CMIP: variants seen among roughly 807,000 people sequenced by gnomAD.
CMIP encodes C-Maf-inducing protein.
In CMIP, 13 loss-of-function variants were observed where a neutral mutation model predicts 97.3. That is an observed-to-expected ratio of 0.13 (90% CI 0.09 to 0.21). CMIP has a LOEUF of 0.21. Ranked by LOEUF, CMIP falls within the 10% of genes least tolerant of loss-of-function variation. The probability of loss-of-function intolerance (pLI) is 1.00; values close to 1 mark genes in which losing one functional copy is unlikely to be tolerated. For missense variants in CMIP, 847 were observed against 1,024.9 expected (o/e 0.83, Z 2.37); for synonymous variants, 538 against 436.3 (o/e 1.23, Z -2.91).
Position 81,652,165 on chromosome 16 carries a change from G to C in CMIP, c.478-38G>C. The C allele has an allele frequency of 1.5e-5, 23 of 1,548,456 alleles. No individual in the cohort carries two copies. The highest frequency in any genetic ancestry group is 2.0e-5 in the Non-Finnish European group (22 of 1,122,270). ...CTTCCATCTTCTGCCTTCCTTACGT[G>C]AGTAACATGTTGCTGTCTCTTTATC... is the stretch of plus-strand genomic sequence containing the variant. On this transcript the variant is annotated intron_variant, in intron 3 of 20. Transcript: ENST00000537098. This position sits in a 1 kb window ranked among gnomAD's most constrained non-coding sequence, Gnocchi z 5.2.
Position 81,616,612 on chromosome 16 carries a change from C to T in CMIP, c.427-4264C>T, listed in dbSNP as rs915326412. 6.6e-6 allele frequency among the ~76,000 whole-genome samples: 1 copy of T among 152,194 alleles called. No homozygotes were observed. Among genetic ancestry groups the T allele is most frequent in the Non-Finnish European group, 1.5e-5 (1 of 68,034 alleles). Reference sequence around the variant, plus strand: ...ACCTGCCTTCTTGAACCGAAACCTGCCTTCTTCCTGGACTGCCACACCGAC... The same window carrying T: ...ACCTGCCTTCTTGAACCGAAACCTGTCTTCTTCCTGGACTGCCACACCGAC... On this transcript the variant is annotated intron_variant, in intron 2 of 20. Coordinates refer to ENST00000537098, the MANE Select transcript of CMIP (RefSeq NM_198390.3). The surrounding 1 kb of genome is among the most constrained non-coding windows in gnomAD (Gnocchi z 4.7).
Position 81,710,143 on chromosome 16 carries a change from G to C in CMIP, c.*344G>C. On this transcript the variant is annotated 3_prime_UTR_variant, in exon 21 of 21. Coordinates refer to ENST00000537098, the MANE Select transcript of CMIP (RefSeq NM_198390.3). ...CTTTGCCTTTGTGTTTGATGCCGTC[G>C]TGTGGGAAAAGTCAACTCCGATGCC... 3.1e-6 allele frequency: 1 copy of C among 321,068 alleles called. No homozygotes were observed. The highest frequency in any genetic ancestry group is 5.9e-6 in the Non-Finnish European group (1 of 169,968). 19.9% of individuals were successfully genotyped at this position (321,068 alleles called of 1,614,324 possible).
chr16:81,706,784 A>C (rs2151108972), intron 19 of CMIP, among the ~76,000 whole-genome samples: 1 of 152,282 alleles, frequency 6.6e-6, no homozygotes, highest in East Asian at 1.9e-4. Context: ...AGGGAGGCTC[A>C]GAGGGTGGGA....
At chr16:81,450,946 G>A (rs539407733) in intron 1 of CMIP, among the ~76,000 whole-genome samples, 5 of 152,320 alleles carry the variant, frequency 3.3e-5, no homozygotes, top group Admixed American at 1.3e-4. Flanking sequence ...GCTGTCTACC[G>A]TGGTTCTTCA....
rs539319959 is a variant in CMIP, at chr16:81,456,988, C to T, written c.300+11447C>T. 6.8e-4 allele frequency among the ~76,000 whole-genome samples: 103 copies of T among 152,294 alleles called. No individual in the cohort carries two copies. In the South Asian group the frequency reaches 0.012, roughly 17 times the overall value. ...CCTGGGGTGGTCACCTCAGCCTCCT[C>T]GCCTGAGACCACCTGACCCTGCAGA... On this transcript the variant is annotated intron_variant, in intron 1 of 20. Coordinates refer to ENST00000537098, the MANE Select transcript of CMIP (RefSeq NM_198390.3).
intron 1 of CMIP, among the ~76,000 whole-genome samples, chr16:81,599,949 C>T (rs1043045020): frequency 1.3e-5 from 2 of 152,120 alleles, no homozygotes; most frequent in East Asian, 1.9e-4. Context: ...GTGAGGCTAG[C>T]GTCTGCATAG....
intron 9 of CMIP, among the ~76,000 whole-genome samples, chr16:81,675,268 A>G (rs755273521): frequency 7.2e-5 from 11 of 152,060 alleles, no homozygotes; most frequent in South Asian, 2.1e-4. Flanking sequence ...CGGTGGCGCA[A>G]TCTCTGCTCA....
rs79180953 is a variant in CMIP, at chr16:81,590,189, C to T, written c.301-17378C>T. 6.9e-4 allele frequency among the ~76,000 whole-genome samples: 105 copies of T among 152,320 alleles called. No homozygotes were observed. The East Asian group carries it at 0.019, about 27-fold the overall frequency. The stretch of plus-strand genomic sequence containing the variant: ...GAATGACCACGCCCCTCTGAGCCTC[C>T]GTTTCCCTCTGCTCGTCGGACAAAA... On this transcript the variant is annotated intron_variant, in intron 1 of 20. Coordinates refer to ENST00000537098, the MANE Select transcript of CMIP (RefSeq NM_198390.3).
At chr16:81,648,642 G>A (rs955837700) in intron 3 of CMIP, among the ~76,000 whole-genome samples, 4 of 151,956 alleles carry the variant, frequency 2.6e-5, no homozygotes, top group African/African-American at 9.7e-5. Flanking sequence ...AATTAGCTGG[G>A]CATGGTGGTG....
chr16:81,583,165 C>T (rs1434695032), intron 1 of CMIP, among the ~76,000 whole-genome samples: 1 of 152,200 alleles, frequency 6.6e-6, no homozygotes, highest in Non-Finnish European at 1.5e-5. Flanking sequence ...AGGAATTGTT[C>T]CTGGGGTTGC....
At chr16:81,605,861 G>A (rs1368322274) in intron 1 of CMIP, among the ~76,000 whole-genome samples, 1 of 152,238 alleles carries the variant, frequency 6.6e-6, no homozygotes, top group Non-Finnish European at 1.5e-5. Flanking sequence ...CATGGCGCCT[G>A]CAGCATAACG....
intron 1 of CMIP, among the ~76,000 whole-genome samples, chr16:81,498,729 G>T (rs2089540583): frequency 6.6e-6 from 1 of 152,108 alleles, no homozygotes; most frequent in African/African-American, 2.4e-5. Flanking sequence ...ACTCCCCCAG[G>T]CGTCATGTAT....
At chr16:81,641,474 G>A (rs891342745) in intron 3 of CMIP, among the ~76,000 whole-genome samples, 8 of 152,106 alleles carry the variant, frequency 5.3e-5, no homozygotes, top group African/African-American at 9.7e-5. Context: ...TTTGCCCACG[G>A]TGCAGCTGGC....
chr16:81,673,303 G>A (rs1012465317), intron 9 of CMIP, among the ~76,000 whole-genome samples: 2 of 152,126 alleles, frequency 1.3e-5, no homozygotes, highest in African/African-American at 4.8e-5. Context: ...ATCACTTGAG[G>A]TTAGGAGTTG....
At chr16:81,602,565 C>T (rs979020448) in intron 1 of CMIP, among the ~76,000 whole-genome samples, 1 of 152,248 alleles carries the variant, frequency 6.6e-6, no homozygotes, top group Non-Finnish European at 1.5e-5. Context: ...CCCATCACCC[C>T]CAAGAGTCCC....
intron 1 of CMIP, among the ~76,000 whole-genome samples, chr16:81,579,721 A>G (rs2150903296): frequency 1.6e-5 from 1 of 62,946 alleles, no homozygotes; most frequent in East Asian, 3.3e-4. Context: ...CTGCCACTTA[A>G]AAAAAAATGG....
intron 1 of CMIP, among the ~76,000 whole-genome samples, chr16:81,530,923 G>A (rs538291101): frequency 2.8e-4 from 42 of 152,236 alleles, no homozygotes; most frequent in African/African-American, 1.0e-3. Context: ...CAGCCCACCC[G>A]CCCTTCTCCT....
At chr16:81,609,420 C>T (rs919442241) in intron 2 of CMIP, among the ~76,000 whole-genome samples, 1 of 152,192 alleles carries the variant, frequency 6.6e-6, no homozygotes, top group Non-Finnish European at 1.5e-5. Context: ...CAGTGGCCAA[C>T]GGAGAGGTAG....
intron 1 of CMIP, among the ~76,000 whole-genome samples, chr16:81,580,780 G>T (rs2091283342): frequency 6.6e-6 from 1 of 152,028 alleles, no homozygotes; most frequent in Non-Finnish European, 1.5e-5. Context: ...CTGGGCAACA[G>T]AGCGAGACTC....
Sources: gnomAD v4.1 joint callset for allele counts (sites outside exome capture counted in the v4.1 genomes callset) on GRCh38, gnomAD v4.1.1 for gene constraint, Gnocchi (gnomAD v3.1) non-coding constraint, MANE v1.5 for transcripts, NCBI Gene and HGNC (gene_info 2026-07-23, HGNC 2026-07-21) for gene names.